SPIRE2: variants seen among roughly 807,000 people sequenced by gnomAD.
SPIRE2 encodes the protein spire type actin nucleation factor 2.
Under a neutral mutation model 80.7 loss-of-function variants are expected in SPIRE2, and 76 were observed. That is an observed-to-expected ratio of 0.94 (90% confidence interval 0.78 to 1.14). SPIRE2 has a LOEUF of 1.14. Ranked by LOEUF, SPIRE2 falls within the 50% of genes most tolerant of loss-of-function variation. SPIRE2 has a pLI of 0.00. For synonymous variants in SPIRE2, 535 were observed against 432.6 expected, an observed-to-expected ratio of 1.24 and a Z score of -2.94; for missense variants, 1,196 against 1,015.3, an observed-to-expected ratio of 1.18 and a Z score of -2.42.
rs2041735003 is a variant in SPIRE2 at position 89,860,691 on chromosome 16, C to G, written c.1471C>G (p.Pro491Ala). 6.3e-7 allele frequency: 1 copy of G among 1,588,736 alleles called. No homozygotes were observed. Among genetic ancestry groups the G allele is most frequent in the South Asian group, 1.1e-5 (1 of 87,412 alleles). Residue 491 changes from proline (P) to alanine (A), a missense_variant, in exon 10 of 15, where the codon CCC becomes GCC. Pro to Ala is a conservative substitution (Grantham distance 27). Transcript: ENST00000378247. Reference sequence around the variant, plus strand: ...CCTCTGCTCTCCCCCAGGTACCTGTCCCGCGAGTGTCTCTGACCCCAGCCA... The same window carrying G: ...CCTCTGCTCTCCCCCAGGTACCTGTGCCGCGAGTGTCTCTGACCCCAGCCA... ...RPGSRDQGTCPASVSDPSHPL... is the reference protein window; with the variant it reads ...RPGSRDQGTCAASVSDPSHPL...
intron 5 of SPIRE2, 116 bp downstream of exon 5, chr16:89,854,767 C>T: frequency 2.6e-6 from 3 of 1,134,452 alleles, no homozygotes; most frequent in South Asian, 1.4e-5. Context: ...GCCCAGGGTC[C>T]CTGCTCTCTG....
At chr16:89,869,361 C>T (rs899387493) in intron 13 of SPIRE2, among the ~76,000 whole-genome samples, 1 of 151,980 alleles carries the variant, frequency 6.6e-6, no homozygotes, top group Non-Finnish European at 1.5e-5. Flanking sequence ...AGCCCCTGTC[C>T]AGATGTGCAG....
chr16:89,854,161 G>A, intron 3 of SPIRE2, 125 bp from the exon 4 acceptor site: 1 of 883,980 alleles, frequency 1.1e-6, no homozygotes, highest in Non-Finnish European at 1.8e-6. Flanking sequence ...AAAATGCCCA[G>A]CTGTCTCTTT....
Position 89,850,552 on chromosome 16 carries a change from G to A in SPIRE2, c.537G>A (p.Leu179=). ...CCATGCGGCTGTGCGCGGCGCGGCT[G>A]ACCGACCCCCGGGGCGCACAGGCGC... ...AQAMRLCAAR[L]TDPRGAQAHY... Residue 179 remains leucine, a synonymous_variant, in exon 3 of 15, where the codon CTG becomes CTA. Coordinates refer to ENST00000378247, the MANE Select transcript of SPIRE2 (RefSeq NM_032451.2). The A allele has an allele frequency of 1.3e-6, 2 of 1,513,758 alleles. No homozygotes were observed. Among genetic ancestry groups the A allele is most frequent in the South Asian group, 1.3e-5 (1 of 79,906 alleles). The allele number at this position is 1,513,758 out of a possible 1,614,324, so 93.8% of individuals were successfully genotyped here.
intron 13 of SPIRE2, 90 bp downstream of exon 13, chr16:89,868,306 AC>A: frequency 7.8e-7 from 1 of 1,276,618 alleles, no homozygotes; most frequent in African/African-American, 1.5e-5. Flanking sequence ...ATGCTGCCTC[AC>A]CAGGCACCTC....
intron 2 of SPIRE2, among the ~76,000 whole-genome samples, chr16:89,848,473 G>C (rs1408081000): frequency 6.6e-6 from 1 of 152,056 alleles, no homozygotes; most frequent in African/African-American, 2.4e-5. Context: ...CAGGTTCCAG[G>C]GCCTTCTGCG....
chr16:89,840,705 G>A (rs1316534361), intron 1 of SPIRE2, among the ~76,000 whole-genome samples: 8 of 146,060 alleles, frequency 5.5e-5, no homozygotes, highest in Non-Finnish European at 9.0e-5. Context: ...GCGCAATCTC[G>A]GCTCACTGCA....
chr16:89,832,731 G>C (rs2041398356), intron 1 of SPIRE2, among the ~76,000 whole-genome samples: 2 of 152,196 alleles, frequency 1.3e-5, no homozygotes, highest in African/African-American at 4.8e-5. Context: ...TGGGCACATT[G>C]CTTCAGCATC....
Position 89,854,266 on chromosome 16 carries a change from A to G in SPIRE2, c.646-20A>G. On this transcript the variant is annotated intron_variant, in intron 3 of 14. Transcript: ENST00000378247. ...CCATTCTCGTACCTCCCCTGGACTG[A>G]CGAGCACGTGTGGTCACAGATGCTG... The G allele has an allele frequency of 6.2e-7, 1 of 1,609,436 alleles. No individual in the cohort carries two copies. Among genetic ancestry groups the G allele is most frequent in the Non-Finnish European group, 8.5e-7 (1 of 1,178,348 alleles).
At chr16:89,857,608 T>C (rs1333179911) in intron 7 of SPIRE2, among the ~76,000 whole-genome samples, 6 of 152,176 alleles carry the variant, frequency 3.9e-5, no homozygotes, top group East Asian at 1.9e-4. Context: ...TTCGCCCTTT[T>C]TGCCCAGGCT....
Position 89,860,683 on chromosome 16 carries a change from G to A in SPIRE2, c.1463G>A (p.Gly488Asp). Residue 488 changes from glycine (G) to aspartate (D), a missense_variant and splice_region_variant, in exon 10 of 15, where the codon GGT (glycine) becomes GAT (aspartate). Transcript: ENST00000378247. ...HVWRPGSRDQ[G>D]TCPASVSDPS... ...TGATGGAGCCTCTGCTCTCCCCCAGGTACCTGTCCCGCGAGTGTCTCTGAC... is the reference window on the plus strand; with the variant it reads ...TGATGGAGCCTCTGCTCTCCCCCAGATACCTGTCCCGCGAGTGTCTCTGAC... 3.2e-6 allele frequency: 5 copies of A among 1,582,232 alleles called. No individual in the cohort carries two copies. The highest frequency in any genetic ancestry group is 4.3e-6 in the Non-Finnish European group (5 of 1,163,346).
intron 14 of SPIRE2, 35 bp from the exon 15 acceptor site, chr16:89,870,015 G>T: frequency 3.2e-6 from 5 of 1,578,970 alleles, no homozygotes; most frequent in Non-Finnish European, 4.3e-6. Context: ...ACCCTGGCTG[G>T]CTCCTCTCCC....
rs762138996 is a variant in SPIRE2 at position 89,850,505 on chromosome 16, A to T, written c.490A>T (p.Ser164Cys). ...EEEEAEGVPR[S>C]VRTFAQAMRL... ...GGAGGAGGCCGAGGGCGTCCCCCGCAGCGTGCGCACCTTTGCCCAGGCCAT... is the reference window on the plus strand; with the variant it reads ...GGAGGAGGCCGAGGGCGTCCCCCGCTGCGTGCGCACCTTTGCCCAGGCCAT... Residue 164 changes from serine (S) to cysteine (C), a missense_variant, in exon 3 of 15, where the codon AGC becomes TGC. By Grantham distance (112) the Ser-to-Cys change is moderately radical. Coordinates refer to ENST00000378247, the MANE Select transcript of SPIRE2 (RefSeq NM_032451.2). The T allele has an allele frequency of 9.2e-6, 14 of 1,526,952 alleles. No homozygotes were observed. In the Admixed American group the frequency reaches 2.8e-4, roughly 31 times the overall value. 94.6% of individuals were successfully genotyped at this position (1,526,952 alleles called of 1,614,324 possible).
intron 13 of SPIRE2, 25 bp from the exon 14 acceptor site, chr16:89,869,542 C>T (rs750612062): frequency 3.3e-6 from 5 of 1,518,328 alleles, no homozygotes; most frequent in Non-Finnish European, 4.6e-6. Context: ...GTGCCTGGTT[C>T]ATACCTCCTC....
In SPIRE2 at chr16:89,850,742, G is replaced by A. The variant is rs1008196853; in HGVS notation, c.645+82G>A. The A allele has an allele frequency of 7.2e-5, 76 of 1,053,832 alleles. No homozygotes were observed. The Middle Eastern group carries it at 9.5e-4, about 13-fold the overall frequency. 65.3% of individuals were successfully genotyped at this position (1,053,832 alleles called of 1,614,324 possible). On this transcript the variant is annotated intron_variant, in intron 3 of 14. Transcript: ENST00000378247. ...TGGGTGGGAGGGGACTGGCAAGGAC[G>A]TCTCTTCGTGGACAGAAAGTCAGGT...
rs2041829854 is a variant in SPIRE2 at position 89,870,381 on chromosome 16, A to G, written c.*109A>G. Reference sequence around the variant, plus strand: ...ATACATATATAGATACATTTATAATATATACACACAGTCTATATATTTATA... The same window carrying G: ...ATACATATATAGATACATTTATAATGTATACACACAGTCTATATATTTATA... On this transcript the variant is annotated 3_prime_UTR_variant, in exon 15 of 15. Coordinates refer to ENST00000378247, the MANE Select transcript of SPIRE2 (RefSeq NM_032451.2). 2 of 645,086 alleles carry G rather than the reference A, an allele frequency of 3.1e-6. No individual in the cohort carries two copies. Among genetic ancestry groups the G allele is most frequent in the South Asian group, 1.9e-5 (1 of 52,336 alleles). The allele number at this position is 645,086 out of a possible 1,614,324, so 40.0% of individuals were successfully genotyped here.
intron 1 of SPIRE2, among the ~76,000 whole-genome samples, chr16:89,832,218 T>C (rs1431588033): frequency 6.6e-6 from 1 of 152,252 alleles, no homozygotes; most frequent in Admixed American, 6.5e-5. Context: ...GTGTCTGTGC[T>C]GGAGTCCACC....
chr16:89,852,715 G>A (rs62639756), intron 3 of SPIRE2, among the ~76,000 whole-genome samples: 5,615 of 12,146 alleles, frequency 0.46, 1,828 homozygotes, highest in South Asian at 0.6. Context: ...TCCGTCTTCC[G>A]TCCTCCCTCT....
intron 1 of SPIRE2, among the ~76,000 whole-genome samples, chr16:89,833,948 G>A (rs1248288875): frequency 2.6e-5 from 4 of 152,152 alleles, no homozygotes; most frequent in Non-Finnish European, 5.9e-5. Flanking sequence ...TGTGAGCTGG[G>A]TGTGTCTCTG....
Sources: allele counts gnomAD v4.1 joint callset (sites outside exome capture counted in the v4.1 genomes callset), GRCh38; gene constraint gnomAD v4.1.1; transcripts MANE v1.5; gene names NCBI Gene and HGNC (gene_info 2026-07-23, HGNC 2026-07-21).